The following SMPX variants were observed in gnomAD, a reference collection of about 807,000 sequenced individuals.
SMPX encodes small muscular protein.
SMPX carries 2 observed loss-of-function variants against 6.3 expected under a neutral mutation model. The observed-to-expected ratio is 0.32, with a 90% CI of 0.13 to 0.99. SMPX has a LOEUF of 0.99. Ranked by LOEUF, SMPX falls within the 50% of genes least tolerant of loss-of-function variation. The pLI, the probability that SMPX is intolerant of heterozygous loss-of-function variation, is 0.49. For missense variants in SMPX, 60 were observed against 66.8 expected (o/e 0.90, Z 0.36); for synonymous variants, 32 against 24.7 (o/e 1.30, Z -0.88).
intron 4 of SMPX, among the ~76,000 whole-genome samples, chrX:21,710,589 A>T (rs1253299368): frequency 8.9e-6 from 1 of 112,212 alleles, no homozygotes; most frequent in Admixed American, 9.4e-5. Context: ...ATCTTGATCC[A>T]GTTTTCCCAG....
In SMPX at chrX:21,722,146, G is replaced by A. The variant is rs763918700; in HGVS notation, c.*14+15403C>T. 9.4e-4 allele frequency among the ~76,000 whole-genome samples: 105 copies of A among 111,283 alleles called. 1 individual carries two copies. Among genetic ancestry groups the A allele is most frequent in the Middle Eastern group, 4.6e-3 (1 of 216 alleles). On this transcript the variant is annotated intron_variant, in intron 4 of 4. Coordinates refer to ENST00000379494, the MANE Select transcript of SMPX (RefSeq NM_014332.3). ...ACTGAACTCCAGTCTGGGCAACAGA[G>A]TGAGGCCCTGTCTCTAAAAAAAATA...
At chrX:21,749,886 G>A (rs1454953567) in intron 2 of SMPX, among the ~76,000 whole-genome samples, 4 of 112,192 alleles carry the variant, frequency 3.6e-5, no homozygotes, top group African/African-American at 6.5e-5. Flanking sequence ...GTGAATTTAC[G>A]TCGTAGAGCT....
chrX:21,708,159 G>A (rs1334516533), intron 4 of SMPX, among the ~76,000 whole-genome samples: 1 of 112,566 alleles, frequency 8.9e-6, no homozygotes, highest in African/African-American at 3.2e-5. Flanking sequence ...CTCACCTTTT[G>A]TATTGCCAAT....
chrX:21,736,678 G>C (rs186032589), intron 4 of SMPX, among the ~76,000 whole-genome samples: 1 of 112,033 alleles, frequency 8.9e-6, no homozygotes, highest in East Asian at 2.8e-4. Flanking sequence ...CAATCAACCA[G>C]ATAAAACCTG....
chrX:21,743,657 G>T, intron 3 of SMPX, 93 bp downstream of exon 3: 1 of 716,724 alleles, frequency 1.4e-6, no homozygotes, highest in Non-Finnish European at 2.2e-6. Flanking sequence ...CCCTTGTCCT[G>T]GATAGCCAGC....
chrX:21,753,226 C>T (rs1308393466), intron 2 of SMPX, among the ~76,000 whole-genome samples: 1 of 111,972 alleles, frequency 8.9e-6, no homozygotes, highest in Non-Finnish European at 1.9e-5. Context: ...GGTTGCTCTA[C>T]ATCCTGCCAC....
chrX:21,718,930 A>G (rs1442429232), intron 4 of SMPX, among the ~76,000 whole-genome samples: 2 of 112,628 alleles, frequency 1.8e-5, no homozygotes, highest in African/African-American at 6.5e-5. Flanking sequence ...GTTTCATTTC[A>G]TAGATGACTA....
intron 4 of SMPX, among the ~76,000 whole-genome samples, chrX:21,710,203 C>T (rs2092777069): frequency 8.9e-6 from 1 of 111,846 alleles, no homozygotes; most frequent in Non-Finnish European, 1.9e-5. Flanking sequence ...GGTATATATA[C>T]CCCATGAAAT....
intron 4 of SMPX, among the ~76,000 whole-genome samples, chrX:21,709,417 A>G (rs1390174850): frequency 8.9e-6 from 1 of 112,235 alleles, no homozygotes; most frequent in Non-Finnish European, 1.9e-5. Context: ...GTTTCCCACT[A>G]TAGCTGCCCT....
chrX:21,720,575 G>C (rs922235226), intron 4 of SMPX, among the ~76,000 whole-genome samples: 2 of 112,859 alleles, frequency 1.8e-5, no homozygotes, highest in Non-Finnish European at 3.7e-5. Flanking sequence ...TTCAGCTCTT[G>C]TATTTTATGT....
chrX:21,738,621 A>G (rs1433459654), intron 3 of SMPX, among the ~76,000 whole-genome samples: 1 of 111,088 alleles, frequency 9.0e-6, no homozygotes, highest in Non-Finnish European at 1.9e-5. Flanking sequence ...CTCTCGGATC[A>G]GTTTACTGCA....
At chrX:21,731,428 TATGTGTGTATGTGTACACATACACATA>T (rs1569306443) in intron 4 of SMPX, among the ~76,000 whole-genome samples, 53 of 52,709 alleles carry the variant, frequency 1.0e-3, no homozygotes, top group South Asian at 6.4e-3. Context: ...TACACACATA[TATGTGTGTATGTGTACACATACACATA>T]ATGTGTGTAT....
intron 4 of SMPX, among the ~76,000 whole-genome samples, chrX:21,730,235 T>C (rs2092801788): frequency 9.0e-6 from 1 of 111,563 alleles, no homozygotes; most frequent in African/African-American, 3.3e-5. Flanking sequence ...TAAGTCTAGT[T>C]CTATGTGAAA....
At chrX:21,754,189 A>T (rs778581911) in intron 2 of SMPX, 57 bp downstream of exon 2, 2 of 1,023,339 alleles carry the variant, frequency 2.0e-6, no homozygotes, top group African/African-American at 3.7e-5. Flanking sequence ...AGGAGTGAAC[A>T]ATCGCCAGAA....
chrX:21,752,823 GC>G (rs1391795524), intron 2 of SMPX, among the ~76,000 whole-genome samples: 1 of 111,489 alleles, frequency 9.0e-6, no homozygotes, highest in Non-Finnish European at 1.9e-5. Flanking sequence ...GGCCTACTAT[GC>G]TGTTTTAAGC....
At chrX:21,722,307 T>G (rs1292267514) in intron 4 of SMPX, among the ~76,000 whole-genome samples, 1 of 112,620 alleles carries the variant, frequency 8.9e-6, no homozygotes, top group African/African-American at 3.2e-5. Flanking sequence ...GAAGTATACT[T>G]GAATGAAAAT....
chrX:21,713,932 T>A (rs2092781435), intron 4 of SMPX, among the ~76,000 whole-genome samples: 1 of 112,465 alleles, frequency 8.9e-6, no homozygotes, highest in Non-Finnish European at 1.9e-5. Context: ...GCAGTGTTTC[T>A]AAAAATACTT....
rs373939201 is a variant in SMPX, at chrX:21,755,285, G to A, written c.-12-983C>T. 5.3e-5 allele frequency among the ~76,000 whole-genome samples: 6 copies of A among 112,698 alleles called. No individual in the cohort carries two copies. The East Asian group carries it at 8.4e-4, about 16-fold the overall frequency. Reference sequence around the variant, plus strand: ...CCAAACTGTACAACAGGTTGATTGAGGTCTATTGACTGGTGTAAGTGGTGT... The same window carrying A: ...CCAAACTGTACAACAGGTTGATTGAAGTCTATTGACTGGTGTAAGTGGTGT... On this transcript the variant is annotated intron_variant, in intron 1 of 4. Transcript: ENST00000379494.
At chrX:21,739,644 T>C (rs932098004) in intron 3 of SMPX, among the ~76,000 whole-genome samples, 1 of 112,404 alleles carries the variant, frequency 8.9e-6, no homozygotes, top group Non-Finnish European at 1.9e-5. Context: ...TGCTATGCTT[T>C]CAGAAAGAAT....
Sources: gnomAD v4.1 joint callset for allele counts (sites outside exome capture counted in the v4.1 genomes callset) on GRCh38, gnomAD v4.1.1 for gene constraint, MANE v1.5 for transcripts, NCBI Gene and HGNC (gene_info 2026-07-23, HGNC 2026-07-21) for gene names.